DLG2: variants seen among roughly 807,000 people sequenced by gnomAD.
DLG2 encodes discs large MAGUK scaffold protein 2.
DLG2 carries 45 observed loss-of-function variants against 132.5 expected under a neutral mutation model. That is an observed-to-expected ratio of 0.34 (90% CI 0.27 to 0.44). The LOEUF is 0.44. Ranked by LOEUF, DLG2 falls within the 20% of genes least tolerant of loss-of-function variation. DLG2 has a pLI of 1.00. For synonymous variants in DLG2, 424 were observed against 419.6 expected (o/e 1.01, Z -0.13); for missense variants, 1,045 against 1,196.9 (o/e 0.87, Z 1.87).
At chr11:85,248,494 C>T (rs2152690721) in intron 4 of DLG2, among the ~76,000 whole-genome samples, 1 of 151,980 alleles carries the variant, frequency 6.6e-6, no homozygotes, top group South Asian at 2.1e-4. Flanking sequence ...AAACTTCTGA[C>T]CTTTCTACCT....
At chr11:84,985,590 C>G (rs2056371624) in intron 6 of DLG2, among the ~76,000 whole-genome samples, 2 of 151,960 alleles carry the variant, frequency 1.3e-5, no homozygotes, top group South Asian at 2.1e-4. Flanking sequence ...ATGAACAAAC[C>G]AAACACAAAC....
At chr11:84,817,011 C>T (rs528512343) in intron 6 of DLG2, among the ~76,000 whole-genome samples, 3 of 152,056 alleles carry the variant, frequency 2.0e-5, no homozygotes, top group African/African-American at 7.2e-5. Context: ...TTACATTATA[C>T]TACAGAAGAA....
At chr11:84,456,830 A>G (rs535256404) in intron 7 of DLG2, among the ~76,000 whole-genome samples, 2 of 151,438 alleles carry the variant, frequency 1.3e-5, no homozygotes, top group East Asian at 3.9e-4. Context: ...CTCATTAGAT[A>G]GAAGGATGCT....
intron 7 of DLG2, among the ~76,000 whole-genome samples, chr11:84,406,743 T>C (rs2098852429): frequency 6.6e-6 from 1 of 152,240 alleles, no homozygotes; most frequent in Non-Finnish European, 1.5e-5. Flanking sequence ...ATTTTTCACA[T>C]ACCTCTCTGC....
intron 3 of DLG2, among the ~76,000 whole-genome samples, chr11:85,423,454 T>C (rs751435173): frequency 3.3e-5 from 5 of 152,054 alleles, no homozygotes; most frequent in African/African-American, 4.8e-5. Flanking sequence ...TGTGGTAATA[T>C]GGGGAGGAAC....
chr11:84,775,257 T>C (rs1015459655), intron 6 of DLG2, among the ~76,000 whole-genome samples: 3 of 151,932 alleles, frequency 2.0e-5, no homozygotes, highest in Non-Finnish European at 4.4e-5. Context: ...ATGGCTATTA[T>C]TAAAAAGTAA....
In DLG2 at chr11:84,123,702, C is replaced by G. The variant is rs1705196924; in HGVS notation, c.625-24655G>C. 1.3e-5 allele frequency among the ~76,000 whole-genome samples: 2 copies of G among 152,112 alleles called. 1 individual carries two copies. The highest frequency in any genetic ancestry group is 4.2e-4 in the South Asian group (2 of 4,814). On this transcript the variant is annotated intron_variant, in intron 9 of 27. Transcript: ENST00000376104. ...TCAAAGATATATTATTTAACCAATC[C>G]CTTAACCATTTCTTTTGCATGAAAT...
At chr11:84,011,467 T>C (rs1010441814) in intron 11 of DLG2, among the ~76,000 whole-genome samples, 1 of 151,762 alleles carries the variant, frequency 6.6e-6, no homozygotes, top group Non-Finnish European at 1.5e-5. Context: ...TAAGGCCTCA[T>C]CTCTAATAAA....
chr11:85,018,922 T>C (rs1410586983), intron 6 of DLG2, among the ~76,000 whole-genome samples: 1 of 151,986 alleles, frequency 6.6e-6, no homozygotes, highest in African/African-American at 2.4e-5. Context: ...CTTAAGACTA[T>C]AACACTTTTT....
intron 3 of DLG2, among the ~76,000 whole-genome samples, chr11:85,595,903 T>C (rs1016423061): frequency 4.6e-5 from 7 of 152,208 alleles, no homozygotes; most frequent in African/African-American, 1.7e-4. Flanking sequence ...AACATGCTAG[T>C]ATTTTTTTAA....
intron 16 of DLG2, among the ~76,000 whole-genome samples, chr11:83,840,135 A>AT (rs2154014614): frequency 6.6e-6 from 1 of 152,260 alleles, no homozygotes; most frequent in Admixed American, 6.5e-5. Context: ...CAGTTCAACC[A>AT]TCACTTCTCT....
chr11:83,976,558 T>A (rs1320498542), intron 12 of DLG2, among the ~76,000 whole-genome samples: 2 of 151,870 alleles, frequency 1.3e-5, no homozygotes, highest in Non-Finnish European at 2.9e-5. Flanking sequence ...TATTTTTGGG[T>A]TGAAGCAAGA....
intron 6 of DLG2, among the ~76,000 whole-genome samples, chr11:84,780,519 T>A (rs1160513562): frequency 6.6e-6 from 1 of 152,128 alleles, no homozygotes; most frequent in Non-Finnish European, 1.5e-5. Flanking sequence ...ATGTTTAACT[T>A]TATAAGAAAC....
At chr11:85,157,408 G>A (rs1329860307) in intron 4 of DLG2, among the ~76,000 whole-genome samples, 1 of 152,112 alleles carries the variant, frequency 6.6e-6, no homozygotes, top group Non-Finnish European at 1.5e-5. Flanking sequence ...GTAGTATGGA[G>A]AACACTGATA....
chr11:84,415,780 T>G (rs1386198418), intron 7 of DLG2, among the ~76,000 whole-genome samples: 1 of 152,128 alleles, frequency 6.6e-6, no homozygotes, highest in Non-Finnish European at 1.5e-5. Flanking sequence ...TTGTGTGACC[T>G]TTTACAGGTC....
At chr11:84,128,567 A>ATG (rs2094280988) in intron 9 of DLG2, among the ~76,000 whole-genome samples, 2 of 152,112 alleles carry the variant, frequency 1.3e-5, no homozygotes, top group South Asian at 4.1e-4. Flanking sequence ...GGGTAAATCT[A>ATG]ACTGTTCTAA....
At chr11:83,796,976 T>C (rs898425728) in intron 17 of DLG2, among the ~76,000 whole-genome samples, 1 of 152,056 alleles carries the variant, frequency 6.6e-6, no homozygotes, top group African/African-American at 2.4e-5. Context: ...AGGAATGAGC[T>C]TTCCTGGAGA....
chr11:83,638,898 C>T (rs2065593851), intron 18 of DLG2, among the ~76,000 whole-genome samples: 1 of 152,196 alleles, frequency 6.6e-6, no homozygotes, highest in African/African-American at 2.4e-5. Context: ...GGAGCAAGGT[C>T]ATAGGTGTGA....
chr11:85,132,129 C>T (rs1370250602), intron 5 of DLG2, among the ~76,000 whole-genome samples: 3 of 152,058 alleles, frequency 2.0e-5, no homozygotes, highest in East Asian at 1.9e-4. Context: ...ATCCATAAAA[C>T]GATTGCCTAT....
Sources: gnomAD v4.1 joint callset for allele counts (sites outside exome capture counted in the v4.1 genomes callset) on GRCh38, gnomAD v4.1.1 for gene constraint, MANE v1.5 for transcripts, NCBI Gene and HGNC (gene_info 2026-07-23, HGNC 2026-07-21) for gene names.